DSG3: variants seen among roughly 807,000 people sequenced by gnomAD.
The protein encoded by DSG3 is desmoglein 3.
In DSG3, 63 loss-of-function variants were observed where a neutral mutation model predicts 85.9. The ratio of observed to expected loss-of-function variants is 0.73; its 90% CI spans 0.60 to 0.90. The LOEUF is 0.90. Ranked by LOEUF, DSG3 falls within the 40% of genes least tolerant of loss-of-function variation. The pLI is 0.00. For synonymous variants in DSG3, 447 were observed against 441.9 expected, an observed-to-expected ratio of 1.01 and a Z score of -0.14; for missense variants, 1,220 against 1,219.9, an observed-to-expected ratio of 1.00 and a Z score of 0.00.
chr18:31,464,680 G>A (rs1053112413), intron 9 of DSG3, among the ~76,000 whole-genome samples: 1 of 152,136 alleles, frequency 6.6e-6, no homozygotes, highest in Non-Finnish European at 1.5e-5. Context: ...TCTTACAAAG[G>A]AGTAGAAGTG....
chr18:31,458,030 C>T (rs2144267902), intron 3 of DSG3, among the ~76,000 whole-genome samples: 1 of 152,018 alleles, frequency 6.6e-6, no homozygotes, highest in Non-Finnish European at 1.5e-5. Flanking sequence ...ATATTTTAAC[C>T]CTACCATACA....
intron 12 of DSG3, 107 bp downstream of exon 12, chr18:31,469,456 T>C: frequency 6.9e-7 from 1 of 1,458,928 alleles, no homozygotes; most frequent in South Asian, 1.4e-5. Context: ...TTCTCTGATG[T>C]TTTATAGGTA....
Position 31,456,996 on chromosome 18 carries a change from A to G in DSG3, c.88A>G (p.Lys30Glu). The G allele has an allele frequency of 1.2e-6, 2 of 1,604,306 alleles. No individual in the cohort carries two copies. Among genetic ancestry groups the G allele is most frequent in the South Asian group, 1.1e-5 (1 of 88,402 alleles). The change falls in exon 3 of 16, where the codon AAA (lysine) becomes GAA (glutamate). Residue 30 changes from lysine (K) to glutamate (E), a missense_variant. Lys to Glu is a moderately conservative substitution (Grantham distance 56). Transcript: ENST00000257189. ...ATGGAATCCCTTTTTACATAAGACT[A>G]AAGGTCAATATGATGAAGAAGAGAT... ...LVHGELRIET[K>E]GQYDEEEMTM...
chr18:31,448,905 GT>G (rs1450241499), intron 1 of DSG3, among the ~76,000 whole-genome samples: 1 of 151,978 alleles, frequency 6.6e-6, no homozygotes, highest in East Asian at 1.9e-4. Flanking sequence ...TAAGATTTTT[GT>G]TTTTGTTTTT....
At position 31,466,530 on chromosome 18, in the gene DSG3, A is replaced by C. The variant is rs1473014859; in HGVS notation, c.1412A>C (p.Glu471Ala). 1.9e-6 allele frequency: 3 copies of C among 1,613,612 alleles called. No homozygotes were observed. Among genetic ancestry groups the C allele is most frequent in the Non-Finnish European group, 1.7e-6 (2 of 1,179,516 alleles). The change falls in exon 11 of 16, where the codon GAA (glutamate) becomes GCA (alanine). Residue 471 changes from glutamate (E) to alanine (A), a missense_variant and splice_region_variant. Glu to Ala is a moderately radical substitution (Grantham distance 107, BLOSUM62 -1). Coordinates refer to ENST00000257189, the MANE Select transcript of DSG3 (RefSeq NM_001944.3). ...TAACTCTAAAACATTGTTCTTACAGAATACACGGGTAAAACTTCTACAGGC... is the reference window on the plus strand; with the variant it reads ...TAACTCTAAAACATTGTTCTTACAGCATACACGGGTAAAACTTCTACAGGC... Reference protein sequence around the residue: ...TITAEVLAIDEYTGKTSTGTV... With the variant: ...TITAEVLAIDAYTGKTSTGTV...
intron 8 of DSG3, among the ~76,000 whole-genome samples, chr18:31,462,319 G>A (rs940768639): frequency 8.5e-5 from 13 of 152,204 alleles, no homozygotes; most frequent in East Asian, 3.9e-4. Context: ...TGATCCACCC[G>A]CCTTGGCCTC....
rs2072767151 is a variant in DSG3, at chr18:31,459,067, A to T, written c.407A>T (p.Asp136Val). ...CGGGCTCTAAATGCCCAAGGACTAGATGTAGAGAAACCACTTATACTAACG... is the reference window on the plus strand; with the variant it reads ...CGGGCTCTAAATGCCCAAGGACTAGTTGTAGAGAAACCACTTATACTAACG... ...TCRALNAQGLDVEKPLILTVK... is the reference protein window; with the variant it reads ...TCRALNAQGLVVEKPLILTVK... Residue 136 changes from aspartate (D) to valine (V), a missense_variant, in exon 5 of 16, where the codon GAT (aspartate) becomes GTT (valine). Asp to Val is a radical substitution (Grantham distance 152, BLOSUM62 -3). Transcript: ENST00000257189. 1.2e-6 allele frequency: 2 copies of T among 1,613,874 alleles called. No homozygotes were observed. Among genetic ancestry groups the T allele is most frequent in the East Asian group, 4.5e-5 (2 of 44,876 alleles).
Position 31,464,279 on chromosome 18 carries a change from T to G in DSG3, c.1168T>G (p.Phe390Val). ...TGCATTCCGTCCTGCTTCCAAGACA[T>G]TTACTGTGCAAAAAGGCATAAGTAG... Reference protein sequence around the residue: ...GIAFRPASKTFTVQKGISSKK... With the variant: ...GIAFRPASKTVTVQKGISSKK... Residue 390 changes from phenylalanine (F) to valine (V), a missense_variant, in exon 9 of 16, where the codon TTT becomes GTT. Physicochemically the swap from Phe to Val is conservative, Grantham distance 50 (BLOSUM62 -1). Coordinates refer to ENST00000257189, the MANE Select transcript of DSG3 (RefSeq NM_001944.3). 1 of 1,614,152 alleles carries G rather than the reference T, an allele frequency of 6.2e-7. No homozygotes were observed. Among genetic ancestry groups the G allele is most frequent in the Non-Finnish European group, 8.5e-7 (1 of 1,180,020 alleles).
chr18:31,453,888 A>T (rs1179806679), intron 1 of DSG3, among the ~76,000 whole-genome samples: 2 of 152,148 alleles, frequency 1.3e-5, no homozygotes, highest in Non-Finnish European at 2.9e-5. Context: ...TCAAAACAAC[A>T]TGTACATGAT....
intron 11 of DSG3, among the ~76,000 whole-genome samples, chr18:31,468,576 G>C (rs12604311): frequency 0.22 from 33,416 of 151,902 alleles, 3,607 homozygotes; most frequent in South Asian, 0.26. Flanking sequence ...CCTCATCACT[G>C]CTCAAACATC....
intron 1 of DSG3, among the ~76,000 whole-genome samples, chr18:31,455,265 T>C (rs2072735207): frequency 6.6e-6 from 1 of 152,132 alleles, no homozygotes; most frequent in South Asian, 2.1e-4. Flanking sequence ...AACTACACAA[T>C]AAACATTAGC....
Position 31,456,438 on chromosome 18 carries a change from A to C in DSG3, c.49-2A>C. The C allele has an allele frequency of 7.4e-7, 1 of 1,353,920 alleles. No homozygotes were observed. Among genetic ancestry groups the C allele is most frequent in the Non-Finnish European group, 9.6e-7 (1 of 1,045,330 alleles). 83.9% of individuals were successfully genotyped at this position (1,353,920 alleles called of 1,614,324 possible). On this transcript the variant is annotated splice_acceptor_variant, in intron 1 of 15. Transcript: ENST00000257189. LOFTEE classifies it high-confidence loss of function. ...AATTCGACTTTATTTAAATGTCTGCAGGTGGTCATATTGGTTCATGGAGAA... is the reference window on the plus strand; with the variant it reads ...AATTCGACTTTATTTAAATGTCTGCCGGTGGTCATATTGGTTCATGGAGAA...
At chr18:31,461,475 A>C in intron 8 of DSG3, 63 bp downstream of exon 8, 1 of 1,357,138 alleles carries the variant, frequency 7.4e-7, no homozygotes, top group Non-Finnish European at 1.0e-6. Flanking sequence ...GATCATTTCT[A>C]CAGATAAAAT....
intron 10 of DSG3, among the ~76,000 whole-genome samples, chr18:31,465,974 A>G (rs73414217): frequency 0.012 from 1,819 of 152,344 alleles, 36 homozygotes; most frequent in African/African-American, 0.041. Flanking sequence ...AATAAGTATC[A>G]AAAAGATTGC....
intron 1 of DSG3, among the ~76,000 whole-genome samples, chr18:31,454,649 T>C (rs1168095991): frequency 6.6e-6 from 1 of 151,940 alleles, no homozygotes; most frequent in Non-Finnish European, 1.5e-5. Flanking sequence ...GACTGTCATA[T>C]AATTTTCTTT....
At chr18:31,463,222 CTT>C (rs1156980053) in intron 8 of DSG3, among the ~76,000 whole-genome samples, 1 of 152,202 alleles carries the variant, frequency 6.6e-6, no homozygotes, top group African/African-American at 2.4e-5. Flanking sequence ...TATTCCTTTG[CTT>C]TCACACATAG....
chr18:31,456,357 T>C, intron 1 of DSG3, 83 bp from the exon 2 acceptor site: 1 of 865,358 alleles, frequency 1.2e-6, no homozygotes, highest in Non-Finnish European at 1.6e-6. Context: ...AACAATAGAA[T>C]ATAATAATCA....
At chr18:31,469,066 T>C in intron 11 of DSG3, 23 bp from the exon 12 acceptor site, 3 of 1,608,770 alleles carry the variant, frequency 1.9e-6, no homozygotes, top group Non-Finnish European at 2.6e-6. Flanking sequence ...CTACTGTTGA[T>C]TTGCATGATT....
intron 11 of DSG3, among the ~76,000 whole-genome samples, chr18:31,468,004 A>G (rs1457114251): frequency 6.6e-6 from 1 of 152,242 alleles, no homozygotes; most frequent in Non-Finnish European, 1.5e-5. Context: ...CACAAGACAT[A>G]CCTGCCCAGG....
Sources: allele counts gnomAD v4.1 joint callset (sites outside exome capture counted in the v4.1 genomes callset), GRCh38; gene constraint gnomAD v4.1.1; transcripts MANE v1.5; gene names NCBI Gene and HGNC (gene_info 2026-07-23, HGNC 2026-07-21).